Variants in FHIT observed in about 807,000 individuals in gnomAD.
FHIT encodes the protein fragile histidine triad diadenosine triphosphatase, also known as bis(5'-adenosyl)-triphosphatase.
In FHIT, 19 loss-of-function variants were observed where a neutral mutation model predicts 17.9. That is an observed-to-expected ratio of 1.06 (90% CI 0.74 to 1.56). FHIT has a LOEUF of 1.56. FHIT is among the 40% of genes most tolerant of loss of function. The probability of loss-of-function intolerance (pLI) is 0.00; values close to 1 mark genes in which losing one functional copy is unlikely to be tolerated. For synonymous variants in FHIT, 81 were observed against 69.7 expected (o/e 1.16, Z -0.81); for missense variants, 248 against 189.2 (o/e 1.31, Z -1.82).
intron 4 of FHIT, among the ~76,000 whole-genome samples, chr3:60,639,564 T>C (rs2039674999): frequency 6.6e-6 from 1 of 152,098 alleles, no homozygotes; most frequent in African/African-American, 2.4e-5. Context: ...AAACTAGAAA[T>C]AGACCACAGA....
At chr3:60,017,509 C>T (rs548332823) in intron 5 of FHIT, among the ~76,000 whole-genome samples, 2 of 152,334 alleles carry the variant, frequency 1.3e-5, no homozygotes, top group African/African-American at 4.8e-5. Context: ...CAGCCTCTAT[C>T]ACTGGGTCAG....
intron 4 of FHIT, among the ~76,000 whole-genome samples, chr3:60,776,067 T>G (rs1315053111): frequency 6.6e-6 from 1 of 152,168 alleles, no homozygotes; most frequent in Non-Finnish European, 1.5e-5. Context: ...TAGGCTAGCC[T>G]CCACCCACCC....
intron 2 of FHIT, among the ~76,000 whole-genome samples, chr3:61,187,458 T>C (rs1235765021): frequency 1.3e-5 from 2 of 152,092 alleles, no homozygotes; most frequent in East Asian, 3.9e-4. Flanking sequence ...ATAAAGAGAT[T>C]TAGACTCCCA....
intron 1 of FHIT, among the ~76,000 whole-genome samples, chr3:61,236,683 G>C (rs567568302): frequency 6.6e-6 from 1 of 152,172 alleles, no homozygotes; most frequent in Non-Finnish European, 1.5e-5. Context: ...CTAAAACCTG[G>C]GTCTCCCAGT....
chr3:60,783,238 T>C (rs1700453531), intron 4 of FHIT, among the ~76,000 whole-genome samples: 1 of 152,124 alleles, frequency 6.6e-6, no homozygotes, highest in Admixed American at 6.5e-5. Flanking sequence ...GTCTGGGGGA[T>C]GGGTGACACA....
chr3:60,221,800 C>T (rs1272153698), intron 5 of FHIT, among the ~76,000 whole-genome samples: 5 of 152,084 alleles, frequency 3.3e-5, no homozygotes, highest in African/African-American at 7.2e-5. Flanking sequence ...TAAAATTGAT[C>T]TCCTCAGAGA....
At chr3:60,533,829 A>C (rs924390225) in intron 5 of FHIT, among the ~76,000 whole-genome samples, 12 of 152,270 alleles carry the variant, frequency 7.9e-5, no homozygotes, top group Admixed American at 2.6e-4. Flanking sequence ...AAAAACAGAC[A>C]TTCCTTATTG....
intron 8 of FHIT, among the ~76,000 whole-genome samples, chr3:59,883,716 G>T (rs13316171): frequency 6.6e-6 from 1 of 152,188 alleles, no homozygotes; most frequent in African/African-American, 2.4e-5. Flanking sequence ...TCTGTGCAGT[G>T]ACATCAGGTT....
intron 5 of FHIT, among the ~76,000 whole-genome samples, chr3:60,132,480 T>G (rs920165806): frequency 1.3e-5 from 2 of 152,166 alleles, no homozygotes; most frequent in East Asian, 3.8e-4. Flanking sequence ...AAGTTAATGG[T>G]ATTGGCAAAC....
At chr3:60,744,612 C>T (rs1292976951) in intron 4 of FHIT, among the ~76,000 whole-genome samples, 2 of 152,158 alleles carry the variant, frequency 1.3e-5, no homozygotes, top group Non-Finnish European at 2.9e-5. Context: ...AAACCATTAC[C>T]ATCAATGGTG....
chr3:60,367,820 A>C (rs755805932), intron 5 of FHIT, among the ~76,000 whole-genome samples: 2 of 152,196 alleles, frequency 1.3e-5, no homozygotes, highest in Non-Finnish European at 2.9e-5. Context: ...ACCTGCAGTC[A>C]AGCTCCACCA....
At chr3:61,052,500 G>T (rs968868544) in intron 2 of FHIT, among the ~76,000 whole-genome samples, 1 of 152,166 alleles carries the variant, frequency 6.6e-6, no homozygotes, top group South Asian at 2.1e-4. Context: ...GATCAGCATT[G>T]TTCCTGCCAA....
intron 5 of FHIT, among the ~76,000 whole-genome samples, chr3:60,272,931 G>A (rs1366392480): frequency 6.6e-6 from 1 of 152,206 alleles, no homozygotes; most frequent in Non-Finnish European, 1.5e-5. Flanking sequence ...CCTTGAAGGT[G>A]CTATCAAATT....
At chr3:60,486,992 C>A (rs1346485587) in intron 5 of FHIT, among the ~76,000 whole-genome samples, 1 of 152,186 alleles carries the variant, frequency 6.6e-6, no homozygotes, top group African/African-American at 2.4e-5. Context: ...CTGCCACAAG[C>A]AGACTGGCTT....
intron 3 of FHIT, among the ~76,000 whole-genome samples, chr3:61,031,467 T>TTGTTACTAG (rs11276347): frequency 2.0e-5 from 3 of 152,054 alleles, no homozygotes; most frequent in African/African-American, 4.8e-5. Flanking sequence ...GTTGATTACT[T>TTGTTACTAG]TATAGAGAGA....
chr3:61,145,051 T>G (rs2037188082), intron 2 of FHIT, among the ~76,000 whole-genome samples: 1 of 152,186 alleles, frequency 6.6e-6, no homozygotes, highest in Admixed American at 6.5e-5. Flanking sequence ...TAACAAAGTC[T>G]AAATTATCTA....
At chr3:60,280,078 A>T (rs1292376420) in intron 5 of FHIT, among the ~76,000 whole-genome samples, 1 of 151,672 alleles carries the variant, frequency 6.6e-6, no homozygotes, top group Non-Finnish European at 1.5e-5. Context: ...AACAAAAAAA[A>T]CTCAACAAAC....
At chr3:60,480,363 C>T (rs1381677600) in intron 5 of FHIT, among the ~76,000 whole-genome samples, 2 of 152,132 alleles carry the variant, frequency 1.3e-5, no homozygotes, top group Non-Finnish European at 2.9e-5. Flanking sequence ...AGTGCTGGTC[C>T]CTCTCAAATC....
intron 3 of FHIT, among the ~76,000 whole-genome samples, chr3:60,957,380 G>C (rs1259359558): frequency 6.6e-6 from 1 of 151,880 alleles, no homozygotes; most frequent in Non-Finnish European, 1.5e-5. Flanking sequence ...TGGGATTACA[G>C]GCACGTGCCA....
Sources: allele counts gnomAD v4.1 joint callset (sites outside exome capture counted in the v4.1 genomes callset), GRCh38; gene constraint gnomAD v4.1.1; transcripts MANE v1.5; gene names NCBI Gene and HGNC (gene_info 2026-07-23, HGNC 2026-07-21).